TCF4: variants seen among roughly 807,000 people sequenced by gnomAD.
TCF4 encodes transcription factor 4.
TCF4 carries 3 observed loss-of-function variants against 82.1 expected under a neutral mutation model. The ratio of observed to expected loss-of-function variants is 0.04; its 90% CI spans 0.02 to 0.09. The LOEUF is 0.09. TCF4 is among the 10% of genes least tolerant of loss of function. TCF4 has a pLI of 1.00. For synonymous variants in TCF4, 276 were observed against 309.6 expected (o/e 0.89, Z 1.14); for missense variants, 518 against 852.7 (o/e 0.61, Z 4.89).
At chr18:55,593,813 G>T (rs1160738595) in intron 2 of TCF4, among the ~76,000 whole-genome samples, 1 of 152,094 alleles carries the variant, frequency 6.6e-6, no homozygotes, top group East Asian at 1.9e-4. Flanking sequence ...ATTCTCTCAG[G>T]ACCTGAGGCA....
upstream of TCF4, among the ~76,000 whole-genome samples, chr18:55,588,967 T>C (rs2097677149): frequency 6.6e-6 from 1 of 152,178 alleles, no homozygotes. Context: ...TTATAGGCCC[T>C]GCATGCTCTT....
At chr18:55,315,776 G>A (rs1159367472) in intron 8 of TCF4, among the ~76,000 whole-genome samples, 2 of 152,050 alleles carry the variant, frequency 1.3e-5, no homozygotes, top group East Asian at 1.9e-4. Context: ...ATAACTTTCA[G>A]TAGATCACTT....
At chr18:55,509,167 AT>A (rs1004306540) in intron 3 of TCF4, among the ~76,000 whole-genome samples, 1 of 152,212 alleles carries the variant, frequency 6.6e-6, no homozygotes, top group Non-Finnish European at 1.5e-5. Flanking sequence ...GTCCACTGTT[AT>A]CCCCAAGTCT....
At position 55,279,629 on chromosome 18, in the gene TCF4, C is replaced by T. The variant is rs1044163650; in HGVS notation, c.577G>A (p.Asp193Asn). ...SVYAPSASTA[D>N]YNRDSPGYPS... ...TAGCCTGGCGAGTCCCTATTGTAGT[C>T]GGCAGTGCTTGCTGATGGAGCATAG... is the stretch of plus-strand genomic sequence containing the variant. Residue 193 changes from aspartate (D) to asparagine (N), a missense_variant, in exon 9 of 20, where the codon GAC becomes AAC. Around this residue, in one of 7 missense-constraint regions of TCF4, gnomAD observed 211 missense variants for 327.4 expected, o/e 0.64. Coordinates refer to ENST00000354452, the MANE Select transcript of TCF4 (RefSeq NM_001083962.2). The T allele has an allele frequency of 2.5e-6, 4 of 1,613,914 alleles. No homozygotes were observed. The highest frequency in any genetic ancestry group is 3.4e-6 in the Non-Finnish European group (4 of 1,179,898).
At chr18:55,478,375 G>A (rs1464897728) in intron 3 of TCF4, among the ~76,000 whole-genome samples, 1 of 152,120 alleles carries the variant, frequency 6.6e-6, no homozygotes, top group Non-Finnish European at 1.5e-5. Flanking sequence ...ATGGATCATT[G>A]CTTCAACCTT....
At chr18:55,393,847 T>C (rs1231390037) in intron 6 of TCF4, among the ~76,000 whole-genome samples, 2 of 152,230 alleles carry the variant, frequency 1.3e-5, no homozygotes, top group African/African-American at 4.8e-5. Context: ...TCTCAAGAGG[T>C]CTGCAATATG....
chr18:55,252,358 T>TTGTGTGTGTGTGTGTGTG (rs3831430), intron 15 of TCF4, among the ~76,000 whole-genome samples: 8 of 149,902 alleles, frequency 5.3e-5, no homozygotes, highest in Non-Finnish European at 7.4e-5. Flanking sequence ...TTTATTGCTT[T>TTGTGTGTGTGTGTGTGTG]TGTGTGTGTG....
intron 3 of TCF4, among the ~76,000 whole-genome samples, chr18:55,534,218 T>G (rs1320582491): frequency 6.6e-6 from 1 of 152,042 alleles, no homozygotes; most frequent in Admixed American, 6.6e-5. Context: ...TGTTCAAAGG[T>G]TTTGGAATTT....
chr18:55,578,421 C>A (rs527719704), intron 3 of TCF4, among the ~76,000 whole-genome samples: 3 of 151,958 alleles, frequency 2.0e-5, no homozygotes, highest in Non-Finnish European at 4.4e-5. Context: ...GACTTTTAAC[C>A]CTCCCGAACC....
At chr18:55,450,180 G>A (rs1041587590) in intron 5 of TCF4, among the ~76,000 whole-genome samples, 4 of 152,168 alleles carry the variant, frequency 2.6e-5, no homozygotes, top group Admixed American at 2.0e-4. Flanking sequence ...TGCTCTGCTA[G>A]GTCCACCATC....
intron 5 of TCF4, among the ~76,000 whole-genome samples, chr18:55,447,103 A>C (rs2095539963): frequency 6.6e-6 from 1 of 152,080 alleles, no homozygotes; most frequent in Non-Finnish European, 1.5e-5. Context: ...TAGAGGTTCC[A>C]GAGTAGCCTG....
At chr18:55,626,255 A>G (rs2097726442) in intron 2 of TCF4, among the ~76,000 whole-genome samples, 1 of 152,230 alleles carries the variant, frequency 6.6e-6, no homozygotes, top group Non-Finnish European at 1.5e-5. Context: ...AATCTGGGCA[A>G]TCGGTTTTCC....
chr18:55,315,335 A>G (rs79668300), intron 8 of TCF4, among the ~76,000 whole-genome samples: 1,799 of 152,300 alleles, frequency 0.012, 63 homozygotes, highest in Admixed American at 0.071. Context: ...CTCAATGAAT[A>G]TGTGCAGATT....
chr18:55,286,439 A>G (rs2146453854), intron 8 of TCF4, among the ~76,000 whole-genome samples: 1 of 152,224 alleles, frequency 6.6e-6, no homozygotes, highest in Non-Finnish European at 1.5e-5. Context: ...TCAAAGGAAG[A>G]GGTGAAAGGA....
intron 8 of TCF4, among the ~76,000 whole-genome samples, chr18:55,340,066 G>T (rs1331257850): frequency 6.6e-6 from 1 of 152,166 alleles, no homozygotes; most frequent in East Asian, 1.9e-4. Flanking sequence ...AGTTTTGCGG[G>T]GGGATCTATA....
At chr18:55,353,641 G>T (rs1242677393) in intron 6 of TCF4, among the ~76,000 whole-genome samples, 1 of 152,116 alleles carries the variant, frequency 6.6e-6, no homozygotes, top group Non-Finnish European at 1.5e-5. Flanking sequence ...AGCGAACAAT[G>T]ACCATTTACT....
intron 2 of TCF4, among the ~76,000 whole-genome samples, chr18:55,610,719 C>T (rs749780643): frequency 1.3e-5 from 2 of 152,160 alleles, no homozygotes; most frequent in Admixed American, 6.5e-5. Flanking sequence ...CACATGGCAG[C>T]CCAAGACATT....
intron 3 of TCF4, among the ~76,000 whole-genome samples, chr18:55,568,013 A>G (rs1377338971): frequency 1.3e-5 from 2 of 152,128 alleles, no homozygotes; most frequent in Admixed American, 1.3e-4. Context: ...TACTGTAAAT[A>G]TTAAAATACT....
chr18:55,413,164 T>A (rs9951064), intron 5 of TCF4, among the ~76,000 whole-genome samples: 1 of 152,106 alleles, frequency 6.6e-6, no homozygotes, highest in African/African-American at 2.4e-5. Flanking sequence ...GGTATATAGA[T>A]ATGTATAATA....
Sources: allele counts gnomAD v4.1 joint callset (sites outside exome capture counted in the v4.1 genomes callset), GRCh38; gene constraint gnomAD v4.1.1; regional missense constraint gnomAD v4.1.1; transcripts MANE v1.5; gene names NCBI Gene and HGNC (gene_info 2026-07-23, HGNC 2026-07-21).